The following POU2F3 variants were observed in gnomAD, a reference collection of about 807,000 sequenced individuals.
The protein encoded by POU2F3 is POU domain, class 2, transcription factor 3.
In POU2F3, 23 loss-of-function variants were observed where a neutral mutation model predicts 59.2. The ratio of observed to expected loss-of-function variants is 0.39; its 90% CI spans 0.28 to 0.55. The LOEUF (loss-of-function observed/expected upper bound fraction) is 0.55. Among genes scored for constraint, POU2F3 ranks in the 20% least tolerant of loss-of-function variants. The probability of loss-of-function intolerance (pLI) is 0.66; values close to 1 mark genes in which losing one functional copy is unlikely to be tolerated. For synonymous variants in POU2F3, 190 were observed against 214.6 expected (o/e 0.89, Z 1.00); for missense variants, 473 against 544.5 (o/e 0.87, Z 1.31).
At position 120,251,303 on chromosome 11, in the gene POU2F3, T is replaced by TGAGCCTG. The variant is rs1198720684; in HGVS notation, c.97+4787_97+4793dup. On this transcript the variant is annotated intron_variant, in intron 2 of 12. Transcript: ENST00000543440. ...ACCATCTCTAGATGAAGCACATGTG[T>TGAGCCTG]GAGCCTGTGCGTGCGCACACACACA... Among the ~76,000 whole-genome samples the TGAGCCTG allele has an allele frequency of 2.6e-5, 4 of 152,236 alleles. No homozygotes were observed. The East Asian group carries it at 7.7e-4, about 29-fold the overall frequency.
At chr11:120,244,333 G>A (rs1420674137) in intron 1 of POU2F3, among the ~76,000 whole-genome samples, 23 of 152,204 alleles carry the variant, frequency 1.5e-4, no homozygotes, top group Non-Finnish European at 1.2e-4. Context: ...TAGCATCTAA[G>A]CCTAAGTGTC....
chr11:120,246,186 A>C (rs933482345), intron 1 of POU2F3, among the ~76,000 whole-genome samples: 3 of 152,158 alleles, frequency 2.0e-5, no homozygotes, highest in African/African-American at 7.2e-5. Context: ...GTGGCCATGA[A>C]TGATGCAAAA....
At chr11:120,298,724 A>G (rs1333096034) in intron 4 of POU2F3, among the ~76,000 whole-genome samples, 1 of 152,056 alleles carries the variant, frequency 6.6e-6, no homozygotes, top group East Asian at 1.9e-4. Context: ...TTCTGTCCCC[A>G]TTGGGCCCAC....
intron 3 of POU2F3, among the ~76,000 whole-genome samples, chr11:120,269,482 A>C (rs547899866): frequency 6.6e-6 from 1 of 152,316 alleles, no homozygotes; most frequent in South Asian, 2.1e-4. Context: ...TGTTTAGGGT[A>C]AACTTTATGC....
chr11:120,301,931 C>T (rs1027791300), intron 5 of POU2F3: 1 of 190,144 alleles, frequency 5.3e-6, no homozygotes, highest in Non-Finnish European at 1.1e-5. Flanking sequence ...CAGCAGCCAC[C>T]CTGCATCCTT....
Position 120,272,746 on chromosome 11 carries a change from G to A in POU2F3, c.132+3502G>A, listed in dbSNP as rs151045172. On this transcript the variant is annotated intron_variant, in intron 3 of 12. Coordinates refer to ENST00000543440, the MANE Select transcript of POU2F3 (RefSeq NM_014352.4). ...CTGTCTGGGGGAAAAGGGTGGGAAG[G>A]TCAAGGGACCCAGAAGCAAGGCCAA... 4.8e-3 allele frequency among the ~76,000 whole-genome samples: 734 copies of A among 152,266 alleles called. 5 individuals are homozygous for A. Among genetic ancestry groups the A allele is most frequent in the African/African-American group, 0.017 (713 of 41,550 alleles).
At chr11:120,236,723 A>G (rs1417642402), upstream of POU2F3, 5 of 1,473,128 alleles carry the variant, frequency 3.4e-6, no homozygotes, top group Non-Finnish European at 3.7e-6. Context: ...GGAGTTCTCT[A>G]CGTTCCCATT....
intron 2 of POU2F3, among the ~76,000 whole-genome samples, chr11:120,255,391 G>A (rs981286385): frequency 3.3e-5 from 5 of 152,132 alleles, no homozygotes; most frequent in Non-Finnish European, 7.3e-5. Flanking sequence ...GGAAAGGAGA[G>A]GAAACTGGGT....
chr11:120,253,772 G>A (rs1036987850), intron 2 of POU2F3: 4 of 152,264 alleles, frequency 2.6e-5, no homozygotes, highest in Non-Finnish European at 5.9e-5. Context: ...TACCTTAGTG[G>A]AGTTTGCGTT....
chr11:120,294,473 G>A lies in POU2F3; in HGVS notation c.133-3792G>A, dbSNP rs183658718. On this transcript the variant is annotated intron_variant, in intron 3 of 12. Coordinates refer to ENST00000543440, the MANE Select transcript of POU2F3 (RefSeq NM_014352.4). The stretch of plus-strand genomic sequence containing the variant: ...GGTTTGGTTGGGTTTTCACAAGCAC[G>A]GGGGAGATTGGGTTTTCGTCCAATT... Among the ~76,000 whole-genome samples, 57 of 152,302 alleles carry A rather than the reference G, an allele frequency of 3.7e-4. 1 individual carries two copies. Among genetic ancestry groups the A allele is most frequent in the Admixed American group, 2.9e-3 (45 of 15,300 alleles).
intron 11 of POU2F3, among the ~76,000 whole-genome samples, chr11:120,316,179 C>T (rs1444041614): frequency 6.6e-6 from 1 of 152,166 alleles, no homozygotes; most frequent in Non-Finnish European, 1.5e-5. Flanking sequence ...CAGCCCCTTC[C>T]ACTTTTCAAA....
upstream of POU2F3, among the ~76,000 whole-genome samples, chr11:120,236,941 C>T (rs748990346): frequency 1.3e-5 from 2 of 152,188 alleles, no homozygotes; most frequent in African/African-American, 4.8e-5. Flanking sequence ...GGTAAGTCCC[C>T]CTCCTTGTGG....
chr11:120,298,117 A>G, intron 3 of POU2F3, 148 bp from the exon 4 acceptor site: 1 of 1,041,080 alleles, frequency 9.6e-7, no homozygotes, highest in Non-Finnish European at 1.4e-6. Context: ...ACAGGCAGGA[A>G]AAGTAAGCTG....
chr11:120,294,645 A>C (rs796080572), intron 3 of POU2F3, among the ~76,000 whole-genome samples: 4 of 152,240 alleles, frequency 2.6e-5, no homozygotes, highest in African/African-American at 9.6e-5. Flanking sequence ...TTGTAAATTC[A>C]GGAAGGCTTT....
intron 3 of POU2F3, among the ~76,000 whole-genome samples, chr11:120,280,246 T>TG (rs1380173997): frequency 2.0e-5 from 3 of 152,154 alleles, no homozygotes; most frequent in African/African-American, 7.2e-5. Context: ...TAACAGGCAG[T>TG]GGGTTGAGTG....
At chr11:120,275,147 G>A (rs1336499293) in intron 3 of POU2F3, among the ~76,000 whole-genome samples, 3 of 152,200 alleles carry the variant, frequency 2.0e-5, no homozygotes, top group African/African-American at 7.2e-5. Flanking sequence ...GGGTGATAAA[G>A]AGATGGAGGT....
At chr11:120,274,108 A>AAGAAAGG (rs1940212417) in intron 3 of POU2F3, among the ~76,000 whole-genome samples, 9 of 116,228 alleles carry the variant, frequency 7.7e-5, no homozygotes, top group African/African-American at 2.8e-4. Flanking sequence ...AGGAAGGAAG[A>AAGAAAGG]AAGGAAGGAA....
rs1465636474 is a variant in POU2F3 at position 120,318,466 on chromosome 11, C to T, written c.*74C>T. The T allele has an allele frequency of 1.4e-6, 2 of 1,408,400 alleles. No individual in the cohort carries two copies. The highest frequency in any genetic ancestry group is 1.2e-5 in the South Asian group (1 of 86,228). 87.2% of individuals were successfully genotyped at this position (1,408,400 alleles called of 1,614,324 possible). A position where few individuals can be genotyped will look rare whatever the true frequency, so the allele number is the denominator to read the frequency against. On this transcript the variant is annotated 3_prime_UTR_variant, in exon 13 of 13. Coordinates refer to ENST00000543440, the MANE Select transcript of POU2F3 (RefSeq NM_014352.4). ...GGAAGGGAATCATGCCTTCTATATACAGACAGATTGCCTTCAGAAGAGTGG... is the reference window on the plus strand; with the variant it reads ...GGAAGGGAATCATGCCTTCTATATATAGACAGATTGCCTTCAGAAGAGTGG...
At chr11:120,284,466 G>A (rs1940703024) in intron 3 of POU2F3, among the ~76,000 whole-genome samples, 1 of 152,178 alleles carries the variant, frequency 6.6e-6, no homozygotes, top group African/African-American at 2.4e-5. Flanking sequence ...CTTGCCGGCT[G>A]GGCCCGGGAG....
Sources: allele counts gnomAD v4.1 joint callset (sites outside exome capture counted in the v4.1 genomes callset), GRCh38; gene constraint gnomAD v4.1.1; transcripts MANE v1.5; gene names NCBI Gene and HGNC (gene_info 2026-07-23, HGNC 2026-07-21).